FARS2: variants seen among roughly 807,000 people sequenced by gnomAD.
FARS2 encodes the protein phenylalanyl-tRNA synthetase 2, mitochondrial.
A neutral mutation model predicts 46.4 loss-of-function variants in FARS2; 40 were observed. The observed-to-expected ratio is 0.86, with a 90% CI of 0.67 to 1.12. The LOEUF is 1.12. Among genes scored for constraint, FARS2 ranks in the 50% most tolerant of loss-of-function variants. The pLI, the probability that FARS2 is intolerant of heterozygous loss-of-function variation, is 0.00. For missense variants in FARS2, 513 were observed against 567.9 expected (o/e 0.90, Z 0.98); for synonymous variants, 234 against 214.9 (o/e 1.09, Z -0.78).
chr6:5,489,797 T>C (rs899734418), intron 4 of FARS2, among the ~76,000 whole-genome samples: 1 of 152,236 alleles, frequency 6.6e-6, no homozygotes, highest in Admixed American at 6.5e-5. Context: ...ATAGTGAACT[T>C]ACGTTGGAAT....
At chr6:5,404,421 T>G in intron 2 of FARS2, 121 bp from the exon 3 acceptor site, 6 of 553,062 alleles carry the variant, frequency 1.1e-5, no homozygotes, top group Non-Finnish European at 1.9e-5. Flanking sequence ...CAGGACATAA[T>G]GAGTCTTATT....
chr6:5,381,276 C>T (rs572805337), intron 2 of FARS2, among the ~76,000 whole-genome samples: 151 of 151,898 alleles, frequency 9.9e-4, no homozygotes, highest in Non-Finnish European at 4.0e-4. Context: ...GGATTACAGG[C>T]GTGAGCCACC....
chr6:5,397,089 A>G lies in FARS2; in HGVS notation c.613-7453A>G, dbSNP rs116777766. Among the ~76,000 whole-genome samples the G allele has an allele frequency of 5.1e-3, 772 of 152,348 alleles. 15 individuals carry two copies. The highest frequency in any genetic ancestry group is 0.024 in the South Asian group (116 of 4,830). On this transcript the variant is annotated intron_variant, in intron 2 of 6. Transcript: ENST00000274680. Reference sequence around the variant, plus strand: ...GTAGAAAATACAATCTCAAATACGTATAAGTAATAAAAATGGTTTTTAACA... The same window carrying G: ...GTAGAAAATACAATCTCAAATACGTGTAAGTAATAAAAATGGTTTTTAACA...
At chr6:5,642,238 T>A (rs569456431) in intron 6 of FARS2, among the ~76,000 whole-genome samples, 2 of 152,306 alleles carry the variant, frequency 1.3e-5, no homozygotes, top group South Asian at 4.1e-4. Flanking sequence ...GCATGTAGCT[T>A]ATCATTTTGG....
intron 6 of FARS2, among the ~76,000 whole-genome samples, chr6:5,615,974 A>G (rs1775447998): frequency 6.8e-6 from 1 of 146,546 alleles, no homozygotes; most frequent in African/African-American, 2.5e-5. Flanking sequence ...ACTTGGAGAT[A>G]GAGACTTTAC....
In FARS2 at chr6:5,367,591, G is replaced by A. The variant is rs144532248; in HGVS notation, c.-21-959G>A. On this transcript the variant is annotated intron_variant, in intron 1 of 6. Coordinates refer to ENST00000274680, the MANE Select transcript of FARS2 (RefSeq NM_006567.5). ...TCTCACCTCATCCGTGACTTGAACC[G>A]CCTATACTAGATGACAGCTGAGGTG... Among the ~76,000 whole-genome samples the A allele has an allele frequency of 4.9e-3, 739 of 151,306 alleles. 2 individuals are homozygous for A. Among genetic ancestry groups the A allele is most frequent in the Admixed American group, 5.5e-3 (84 of 15,142 alleles).
chr6:5,442,324 G>C (rs910783724), intron 4 of FARS2, among the ~76,000 whole-genome samples: 1 of 151,290 alleles, frequency 6.6e-6, no homozygotes, highest in Admixed American at 6.6e-5. Context: ...TCTATGTATT[G>C]CAATTATATT....
intron 1 of FARS2, among the ~76,000 whole-genome samples, chr6:5,264,760 C>A (rs1261434509): frequency 6.6e-6 from 1 of 151,954 alleles, no homozygotes; most frequent in Non-Finnish European, 1.5e-5. Flanking sequence ...GAGAGCTTCC[C>A]CACCCCTAAG....
At chr6:5,449,468 G>A (rs1037825744) in intron 4 of FARS2, among the ~76,000 whole-genome samples, 2 of 151,780 alleles carry the variant, frequency 1.3e-5, no homozygotes, top group African/African-American at 4.8e-5. Context: ...AAAGTATAAG[G>A]TTTCAGAAAA....
the FARS2 span, among the ~76,000 whole-genome samples, chr6:5,252,754 C>T: frequency 1.3e-5 from 2 of 152,102 alleles, no homozygotes; most frequent in Non-Finnish European, 2.9e-5. Context: ...TGTGACTGCC[C>T]TTCTTCTTCC....
chr6:5,670,275 A>C (rs1383401506), intron 6 of FARS2, among the ~76,000 whole-genome samples: 1 of 152,232 alleles, frequency 6.6e-6, no homozygotes, highest in Non-Finnish European at 1.5e-5. Flanking sequence ...AAGTTACATC[A>C]ATACTGACTA....
intron 6 of FARS2, among the ~76,000 whole-genome samples, chr6:5,734,056 GT>G (rs1393789645): frequency 6.6e-6 from 1 of 152,248 alleles, no homozygotes; most frequent in Non-Finnish European, 1.5e-5. Flanking sequence ...CTAAACTGGT[GT>G]AATAGCTAAG....
At chr6:5,607,849 A>C (rs1774930434) in intron 5 of FARS2, among the ~76,000 whole-genome samples, 1 of 152,204 alleles carries the variant, frequency 6.6e-6, no homozygotes, top group African/African-American at 2.4e-5. Context: ...CAAGAAAATC[A>C]GCAGATAAAA....
intron 6 of FARS2, among the ~76,000 whole-genome samples, chr6:5,636,093 G>T (rs1368576461): frequency 6.6e-6 from 1 of 151,960 alleles, no homozygotes; most frequent in African/African-American, 2.4e-5. Context: ...AGTGTAATAG[G>T]GTTTTGTTTT....
intron 6 of FARS2, among the ~76,000 whole-genome samples, chr6:5,646,109 GAGAGGGAGCAGCAGGGAGATAA>G (rs1465341645): frequency 0.015 from 2,211 of 152,210 alleles, 64 homozygotes; most frequent in African/African-American, 0.05. Flanking sequence ...TGACATGACA[GAGAGGGAGCAGCAGGGAGATAA>G]GAGAGGGAGC....
chr6:5,462,738 G>A (rs1765311669), intron 4 of FARS2, among the ~76,000 whole-genome samples: 1 of 152,122 alleles, frequency 6.6e-6, no homozygotes, highest in Non-Finnish European at 1.5e-5. Flanking sequence ...ATTTAAAATT[G>A]GTTAGTGTTA....
At chr6:5,711,091 G>GA (rs757178569) in intron 6 of FARS2, among the ~76,000 whole-genome samples, 2 of 152,118 alleles carry the variant, frequency 1.3e-5, no homozygotes, top group African/African-American at 2.4e-5. Flanking sequence ...CATAATGCCA[G>GA]AAAATAAGAA....
chr6:5,675,562 T>C (rs1778723741), intron 6 of FARS2, among the ~76,000 whole-genome samples: 1 of 152,232 alleles, frequency 6.6e-6, no homozygotes, highest in Non-Finnish European at 1.5e-5. Flanking sequence ...CCTGTTCAGC[T>C]AGGATAAATC....
At chr6:5,286,161 T>C (rs985002023) in intron 1 of FARS2, among the ~76,000 whole-genome samples, 4 of 152,230 alleles carry the variant, frequency 2.6e-5, no homozygotes, top group African/African-American at 9.6e-5. Flanking sequence ...GATTGATTGT[T>C]GTCAGTGGGG....
Sources: allele counts gnomAD v4.1 joint callset (sites outside exome capture counted in the v4.1 genomes callset), GRCh38; gene constraint gnomAD v4.1.1; transcripts MANE v1.5; gene names NCBI Gene and HGNC (gene_info 2026-07-23, HGNC 2026-07-21).